The following RBM25 variants were observed in gnomAD, a reference collection of about 807,000 sequenced individuals.
RBM25 encodes the protein RNA binding motif protein 25.
A neutral mutation model predicts 120.7 loss-of-function variants in RBM25; 19 were observed. The observed-to-expected ratio is 0.16, with a 90% CI of 0.11 to 0.23. RBM25 has a LOEUF of 0.23. RBM25 is among the 10% of genes least tolerant of loss of function. The pLI is 1.00. For synonymous variants in RBM25, 390 were observed against 326.7 expected (o/e 1.19, Z -2.09); for missense variants, 605 against 1,041.5 (o/e 0.58, Z 5.77).
intron 13 of RBM25, 29 bp from the exon 14 acceptor site, chr14:73,109,313 A>G (rs1158113147): frequency 1.0e-5 from 16 of 1,600,810 alleles, no homozygotes; most frequent in Non-Finnish European, 1.4e-5. Flanking sequence ...GGAGTATTAA[A>G]TGAAGCCTTT....
chr14:73,073,250 C>G (rs140839182), intron 2 of RBM25, among the ~76,000 whole-genome samples: 5 of 152,196 alleles, frequency 3.3e-5, no homozygotes, highest in Admixed American at 3.3e-4. Flanking sequence ...TTGGATTCAA[C>G]TACTCATTGT....
intron 6 of RBM25, among the ~76,000 whole-genome samples, chr14:73,095,998 G>T (rs552073632): frequency 5.3e-5 from 8 of 152,146 alleles, no homozygotes; most frequent in Non-Finnish European, 1.5e-5. Flanking sequence ...TTATTATTGA[G>T]ATGGAGTTTC....
intron 12 of RBM25, 85 bp from the exon 13 acceptor site, chr14:73,107,741 A>G: frequency 2.0e-6 from 2 of 991,774 alleles, no homozygotes; most frequent in South Asian, 1.4e-5. Flanking sequence ...TGTCTGGGTC[A>G]GAAAAATCTG....
At chr14:73,106,936 G>A (rs1285166777) in intron 12 of RBM25, among the ~76,000 whole-genome samples, 1 of 151,244 alleles carries the variant, frequency 6.6e-6, no homozygotes, top group Non-Finnish European at 1.5e-5. Context: ...AGGTTCAAGC[G>A]ATAAGCGATT....
At position 73,087,961 on chromosome 14, in the gene RBM25, G is replaced by A. The variant is rs187279531; in HGVS notation, c.383-40G>A. 1.9e-6 allele frequency: 3 copies of A among 1,576,766 alleles called. No homozygotes were observed. In the South Asian group the frequency reaches 3.5e-5, roughly 19 times the overall value. ...TTCCATAATTTTTTTTCTTTTGTAA[G>A]TGAATTGGTATTTCACTAATTGTTT... is the stretch of plus-strand genomic sequence containing the variant. On this transcript the variant is annotated intron_variant, in intron 5 of 18. Transcript: ENST00000261973.
chr14:73,117,210 C>CTTT lies in RBM25; in HGVS notation c.2440-2471_2440-2469dup, dbSNP rs71112704. The stretch of plus-strand genomic sequence containing the variant: ...TTTCTTTTAATTTCTTTCTTCTTTT[C>CTTT]TTTTTTTTTTTTTTTTTTTTTTTTT... On this transcript the variant is annotated intron_variant, in intron 18 of 18. Coordinates refer to ENST00000261973, the MANE Select transcript of RBM25 (RefSeq NM_021239.3). 2.3e-3 allele frequency among the ~76,000 whole-genome samples: 112 copies of CTTT among 49,410 alleles called. 13 individuals carry two copies. The highest frequency in any genetic ancestry group is 2.9e-3 in the Non-Finnish European group (80 of 27,336). The allele number at this position is 49,410 out of a possible 152,430, so 32.4% of individuals were successfully genotyped here. A position where few individuals can be genotyped will look rare whatever the true frequency, so the allele number is the denominator to read the frequency against.
chr14:73,079,361 T>G (rs1895504092), intron 4 of RBM25, among the ~76,000 whole-genome samples: 2 of 150,634 alleles, frequency 1.3e-5, no homozygotes, highest in Non-Finnish European at 3.0e-5. Context: ...AGGCGGAGGT[T>G]GCAGTGAGTT....
intron 10 of RBM25, among the ~76,000 whole-genome samples, chr14:73,103,938 TCTCTCTCTCTCACACACACACACA>T (rs796778686): frequency 1.1e-3 from 58 of 53,826 alleles, no homozygotes; most frequent in East Asian, 3.1e-3. Flanking sequence ...TCTCTCTCTC[TCTCTCTCTCTCACACACACACACA>T]CACACACACA....
At chr14:73,114,506 G>A (rs1353531775) in intron 18 of RBM25, among the ~76,000 whole-genome samples, 173 bp downstream of exon 18, 3 of 152,088 alleles carry the variant, frequency 2.0e-5, no homozygotes, top group African/African-American at 7.2e-5. Flanking sequence ...ACAGGCATCA[G>A]CCACCACACC....
chr14:73,103,013 C>T, intron 9 of RBM25, 179 bp from the exon 10 acceptor site: 2 of 1,346,810 alleles, frequency 1.5e-6, no homozygotes. Flanking sequence ...TGGTTTTGCA[C>T]GAAATCTTTC....
intron 10 of RBM25, among the ~76,000 whole-genome samples, chr14:73,104,424 A>C (rs1390492193): frequency 6.6e-6 from 1 of 150,448 alleles, no homozygotes; most frequent in Non-Finnish European, 1.5e-5. Flanking sequence ...GTTGGAGTGC[A>C]GTGGTACAGT....
rs1213199523 is a variant in RBM25 at position 73,073,336 on chromosome 14, T to TA, written c.106+1590dup. Among the ~76,000 whole-genome samples, 30 of 152,104 alleles carry TA rather than the reference T, an allele frequency of 2.0e-4. No individual in the cohort carries two copies. The East Asian group carries it at 4.6e-3, about 23-fold the overall frequency. ...TGGGTCTGAAAAGCCCCAAGATAAA[T>TA]ATGGGAATTTCTGTGGAATATTATT... On this transcript the variant is annotated intron_variant, in intron 2 of 18. Coordinates refer to ENST00000261973, the MANE Select transcript of RBM25 (RefSeq NM_021239.3).
At chr14:73,073,740 G>T (rs1407477714) in intron 2 of RBM25, among the ~76,000 whole-genome samples, 2 of 152,156 alleles carry the variant, frequency 1.3e-5, no homozygotes, top group African/African-American at 4.8e-5. Context: ...TTATGGAATA[G>T]AATGCAGTAC....
At position 73,120,166 on chromosome 14, in the gene RBM25, A is replaced by G. The variant is rs1896514839; in HGVS notation, c.*361A>G. The G allele has an allele frequency of 6.0e-6, 1 of 165,420 alleles. No individual in the cohort carries two copies. Among genetic ancestry groups the G allele is most frequent in the Non-Finnish European group, 1.3e-5 (1 of 77,212 alleles). The allele number at this position is 165,420 out of a possible 1,614,324, so 10.2% of individuals were successfully genotyped here. A position where few individuals can be genotyped will look rare whatever the true frequency, so the allele number is the denominator to read the frequency against. On this transcript the variant is annotated 3_prime_UTR_variant, in exon 19 of 19. Coordinates refer to ENST00000261973, the MANE Select transcript of RBM25 (RefSeq NM_021239.3). ...TGCACTTAATATTGAAATGTACTGT[A>G]TAGGAACCAACATGAACAATTTTAA...
intron 4 of RBM25, among the ~76,000 whole-genome samples, chr14:73,079,691 A>T (rs1198884917): frequency 6.6e-6 from 1 of 150,538 alleles, no homozygotes; most frequent in Non-Finnish European, 1.5e-5. Context: ...CTTGTTCCTC[A>T]ACTATTCATA....
At position 73,096,952 on chromosome 14, in the gene RBM25, A is replaced by C; in HGVS notation, c.581A>C (p.Glu194Ala). 6.2e-7 allele frequency: 1 copy of C among 1,613,204 alleles called. No individual in the cohort carries two copies. Among genetic ancestry groups the C allele is most frequent in the Non-Finnish European group, 8.5e-7 (1 of 1,179,798 alleles). The change falls in exon 7 of 19, where the codon GAA becomes GCA. Residue 194 changes from glutamate (E) to alanine (A), a missense_variant. Physicochemically the swap from Glu to Ala is moderately radical, Grantham distance 107. This residue lies in a region of RBM25 where 465 missense variants were observed against 741.6 expected (regional missense o/e 0.63). Transcript: ENST00000261973. ...RPETVTNDDE[E>A]ALDEETKRRD... The stretch of plus-strand genomic sequence containing the variant: ...GAAACTGTCACTAATGACGATGAAG[A>C]AGCCTTGGATGAAGAAACAAAGAGG...
intron 2 of RBM25, among the ~76,000 whole-genome samples, chr14:73,072,573 T>C (rs1240544601): frequency 6.6e-6 from 1 of 152,194 alleles, no homozygotes; most frequent in Admixed American, 6.5e-5. Context: ...TTCTTAATTT[T>C]TAACAAGTTC....
At position 73,058,553 on chromosome 14, in the gene RBM25, G is replaced by T. The variant is rs1894914629; in HGVS notation, c.-168G>T. ...AGAGGAAGACCTCCATCAGCTCGCC[G>T]CGCAGCGCGGCTGTATTTGCGGCCT... On this transcript the variant is annotated 5_prime_UTR_variant, in exon 1 of 19. Transcript: ENST00000261973. 1 of 152,228 alleles carries T rather than the reference G, an allele frequency of 6.6e-6. No homozygotes were observed. The highest frequency in any genetic ancestry group is 2.4e-5 in the African/African-American group (1 of 41,454). 9.4% of individuals were successfully genotyped at this position (152,228 alleles called of 1,614,324 possible).
Position 73,106,060 on chromosome 14 carries a change from G to T in RBM25, c.1356G>T (p.Glu452Asp), listed in dbSNP as rs980263688. 6.2e-7 allele frequency: 1 copy of T among 1,608,802 alleles called. No individual in the cohort carries two copies. The highest frequency in any genetic ancestry group is 1.4e-5 in the African/African-American group (1 of 74,038). ...ERRKLERKLR[E>D]KEAAYQERLK... ...GAAAACTTGAAAGAAAACTCCGAGA[G>T]AAAGAAGCTGCTTATCAAGAGGTAA... Residue 452 changes from glutamate to aspartate, a missense_variant, in exon 11 of 19, where the codon GAG becomes GAT. Coordinates refer to ENST00000261973, the MANE Select transcript of RBM25 (RefSeq NM_021239.3).
Sources: allele counts gnomAD v4.1 joint callset (sites outside exome capture counted in the v4.1 genomes callset), GRCh38; gene constraint gnomAD v4.1.1; regional missense constraint gnomAD v4.1.1; transcripts MANE v1.5; gene names NCBI Gene and HGNC (gene_info 2026-07-23, HGNC 2026-07-21).